Variants in ICE2 observed in about 807,000 individuals in gnomAD.
ICE2 encodes interactor of little elongation complex ELL subunit 2, also known as little elongation complex subunit 2.
In ICE2, 87 loss-of-function variants were observed where a neutral mutation model predicts 105.4. The ratio of observed to expected loss-of-function variants is 0.83; its 90% confidence interval spans 0.69 to 0.99. The LOEUF (loss-of-function observed/expected upper bound fraction) is 0.99. ICE2 is among the 50% of genes least tolerant of loss of function. The pLI, the probability that ICE2 is intolerant of heterozygous loss-of-function variation, is 0.00. For synonymous variants in ICE2, 399 were observed against 392.0 expected (o/e 1.02, Z -0.21); for missense variants, 1,323 against 1,146.7 (o/e 1.15, Z -2.22).
chr15:60,445,787 G>A, intron 11 of ICE2: 2 of 985,264 alleles, frequency 2.0e-6, no homozygotes, highest in Non-Finnish European at 2.4e-6. Flanking sequence ...TCTAAGTGCT[G>A]TAAGCTGAAA....
chr15:60,431,723 G>C (rs2063464575), intron 14 of ICE2, among the ~76,000 whole-genome samples: 1 of 152,098 alleles, frequency 6.6e-6, no homozygotes, highest in Admixed American at 6.5e-5. Flanking sequence ...CATAATAATA[G>C]ACTTACAGGA....
rs377714343 is a variant in ICE2 at position 60,442,474 on chromosome 15, A to G, written c.2367T>C (p.Ser789=). Residue 789 remains serine, a synonymous_variant, in exon 12 of 16, where the codon AGT becomes AGC. Coordinates refer to ENST00000261520, the MANE Select transcript of ICE2 (RefSeq NM_024611.6). ...ACYGVEALTE[S]ELCRLWTESL... ...TTTCAGTCCATAAGCGACAAAGTTC[A>G]CTTTCAGTCAGAGCTTCAACTCCAT... 5 of 1,600,352 alleles carry G rather than the reference A, an allele frequency of 3.1e-6. No homozygotes were observed. The highest frequency in any genetic ancestry group is 4.2e-6 in the Non-Finnish European group (5 of 1,177,434).
chr15:60,449,452 A>G lies in ICE2; in HGVS notation c.1515T>C (p.Asp505=), dbSNP rs2063906754. Residue 505 remains aspartate, a synonymous_variant, in exon 10 of 16, where the codon GAT becomes GAC. Transcript: ENST00000261520. ...AGGCATCAGATGTTTTCAAGTCACT[A>G]TCTTGTATCAAAGGCTTGTCAGAAT... ...VSNSDKPLIQ[D]SDLKTSDALQ... 1 of 1,614,096 alleles carries G rather than the reference A, an allele frequency of 6.2e-7. No individual in the cohort carries two copies. The highest frequency in any genetic ancestry group is 1.7e-4 in the Middle Eastern group (1 of 6,060).
rs969872848 is a variant in ICE2, at chr15:60,452,855, G to A, written c.1125+748C>T. ...CTGCCCGAGGTCACATAGCTACTAA[G>A]TATACTGAAGATTAACAATCTGGCA... On this transcript the variant is annotated intron_variant, in intron 9 of 15. Coordinates refer to ENST00000261520, the MANE Select transcript of ICE2 (RefSeq NM_024611.6). The A allele has an allele frequency of 3.0e-6, 3 of 985,168 alleles. No individual in the cohort carries two copies. In the African/African-American group the frequency reaches 5.2e-5, roughly 17 times the overall value. 61.0% of individuals were successfully genotyped at this position (985,168 alleles called of 1,614,324 possible).
rs1348972133 is a variant in ICE2, at chr15:60,421,084, T to C, written c.*2550A>G. ...GACCTACTTTGGAGTGCATGGCACA[T>C]AGTTGCACTCACTTACTGAATTAAA... On this transcript the variant is annotated 3_prime_UTR_variant, in exon 16 of 16. Coordinates refer to ENST00000261520, the MANE Select transcript of ICE2 (RefSeq NM_024611.6). 6.6e-6 allele frequency: 1 copy of C among 152,178 alleles called. No individual in the cohort carries two copies. Among genetic ancestry groups the C allele is most frequent in the Non-Finnish European group, 1.5e-5 (1 of 68,036 alleles). 9.4% of individuals were successfully genotyped at this position (152,178 alleles called of 1,614,324 possible).
intron 9 of ICE2, chr15:60,451,573 T>A: frequency 1.0e-6 from 1 of 984,280 alleles, no homozygotes; most frequent in Non-Finnish European, 1.2e-6. Context: ...TATAATAATT[T>A]GAGGCAAAAA....
rs1328220860 is a variant in ICE2 at position 60,421,341 on chromosome 15, A to G, written c.*2293T>C. On this transcript the variant is annotated 3_prime_UTR_variant, in exon 16 of 16. Transcript: ENST00000261520. Reference sequence around the variant, plus strand: ...AGCGATCCTCCCACCTCAGCTTCCCAAGTAGCTGGGATTACATCCTGCTAA... The same window carrying G: ...AGCGATCCTCCCACCTCAGCTTCCCGAGTAGCTGGGATTACATCCTGCTAA... 1 of 152,152 alleles carries G rather than the reference A, an allele frequency of 6.6e-6. No homozygotes were observed. The highest frequency in any genetic ancestry group is 1.5e-5 in the Non-Finnish European group (1 of 68,044). 9.4% of individuals were successfully genotyped at this position (152,152 alleles called of 1,614,324 possible). A position where few individuals can be genotyped will look rare whatever the true frequency, so the allele number is the denominator to read the frequency against.
At chr15:60,440,451 T>C (rs1205329231) in intron 12 of ICE2, 1 of 152,000 alleles carries the variant, frequency 6.6e-6, no homozygotes, top group Non-Finnish European at 1.5e-5. Context: ...ATAAAAAGAG[T>C]ACTGCAACTA....
At chr15:60,446,842 G>C (rs1390089986) in intron 11 of ICE2, among the ~76,000 whole-genome samples, 2 of 152,148 alleles carry the variant, frequency 1.3e-5, no homozygotes, top group Non-Finnish European at 2.9e-5. Flanking sequence ...CAGTGGGTTA[G>C]ATAACAAGAG....
chr15:60,475,125 T>A (rs1242105774), intron 3 of ICE2, among the ~76,000 whole-genome samples: 1 of 152,216 alleles, frequency 6.6e-6, no homozygotes, highest in African/African-American at 2.4e-5. Flanking sequence ...AAGTAAATGT[T>A]GAGCTTCCCT....
intron 13 of ICE2, among the ~76,000 whole-genome samples, chr15:60,434,754 G>T (rs1256364113): frequency 2.0e-5 from 3 of 152,118 alleles, no homozygotes; most frequent in Non-Finnish European, 4.4e-5. Context: ...ACAAGAGGCT[G>T]GGAAGGAAAT....
chr15:60,475,416 A>G (rs2064731398), intron 3 of ICE2, among the ~76,000 whole-genome samples: 1 of 152,200 alleles, frequency 6.6e-6, no homozygotes, highest in East Asian at 1.9e-4. Flanking sequence ...TATATCTTAC[A>G]GAAATAACTA....
intron 12 of ICE2, chr15:60,438,670 C>T (rs2063650199): frequency 2.0e-5 from 3 of 152,158 alleles, no homozygotes; most frequent in Admixed American, 1.3e-4. Context: ...TATGGTCTGT[C>T]AAAAATAACT....
chr15:60,455,916 C>G (rs954023423), intron 6 of ICE2, among the ~76,000 whole-genome samples: 6 of 152,070 alleles, frequency 3.9e-5, no homozygotes. Flanking sequence ...TCATACCAGG[C>G]CAGTTTCATA....
chr15:60,460,996 A>T (rs555091475), intron 5 of ICE2, among the ~76,000 whole-genome samples: 2 of 146,394 alleles, frequency 1.4e-5, no homozygotes, highest in African/African-American at 5.0e-5. Context: ...ACTCACATGC[A>T]TTTAGTATGT....
rs1413854201 is a variant in ICE2 at position 60,449,047 on chromosome 15, T to C, written c.1920A>G (p.Lys640=). Residue 640 remains lysine (K), a synonymous_variant, in exon 10 of 16, where the codon AAA becomes AAG. Coordinates refer to ENST00000261520, the MANE Select transcript of ICE2 (RefSeq NM_024611.6). ...AAATCTCTCCAACTGGATCAAATTT[T>C]TTATATACTCGTTTGATAGGTTTTT... The part of the protein sequence containing the change: ...VLKKPIKRVY[K]KFDPVGEILK... The C allele has an allele frequency of 6.2e-7, 1 of 1,613,308 alleles. No individual in the cohort carries two copies. Among genetic ancestry groups the C allele is most frequent in the Non-Finnish European group, 8.5e-7 (1 of 1,179,688 alleles).
chr15:60,427,327 T>A (rs1406942872), intron 15 of ICE2, among the ~76,000 whole-genome samples: 1 of 152,216 alleles, frequency 6.6e-6, no homozygotes, highest in East Asian at 1.9e-4. Context: ...AGACAATAAT[T>A]CTGACTCAAA....
In ICE2 at chr15:60,420,570, T is replaced by C. The variant is rs1031596677; in HGVS notation, c.*3064A>G. The C allele has an allele frequency of 6.6e-6, 1 of 152,270 alleles. No homozygotes were observed. The highest frequency in any genetic ancestry group is 2.4e-5 in the African/African-American group (1 of 41,466). The allele number at this position is 152,270 out of a possible 1,614,324, so 9.4% of individuals were successfully genotyped here. A position where few individuals can be genotyped will look rare whatever the true frequency, so the allele number is the denominator to read the frequency against. On this transcript the variant is annotated 3_prime_UTR_variant, in exon 16 of 16. Transcript: ENST00000261520. The stretch of plus-strand genomic sequence containing the variant: ...TGTCTTAGCACAGTGTTTCTGTCCC[T>C]ATCCTGCAGTTTTCTCTCTCATCTC...
intron 5 of ICE2, 41 bp downstream of exon 5, chr15:60,466,551 CCT>C: frequency 6.2e-7 from 1 of 1,603,348 alleles, no homozygotes; most frequent in Non-Finnish European, 8.5e-7. Flanking sequence ...GCTGCTATTG[CCT>C]ATCACTTCGC....
Sources: allele counts gnomAD v4.1 joint callset (sites outside exome capture counted in the v4.1 genomes callset), GRCh38; gene constraint gnomAD v4.1.1; transcripts MANE v1.5; gene names NCBI Gene and HGNC (gene_info 2026-07-23, HGNC 2026-07-21).